Variants in GLIS2 observed in about 807,000 individuals in gnomAD.
GLIS2 encodes GLIS family zinc finger 2.
Under a neutral mutation model 35.6 loss-of-function variants are expected in GLIS2, and 14 were observed. That is an observed-to-expected ratio of 0.39 (90% CI 0.26 to 0.61). The LOEUF is 0.61. Among genes scored for constraint, GLIS2 ranks in the 20% least tolerant of loss-of-function variants. GLIS2 has a pLI of 0.48. For synonymous variants in GLIS2, 368 were observed against 325.1 expected, an observed-to-expected ratio of 1.13 and a Z score of -1.42; for missense variants, 675 against 713.4, an observed-to-expected ratio of 0.95 and a Z score of 0.61.
chr16:4,332,382 T>C lies in GLIS2; in HGVS notation c.102T>C (p.Arg34=), dbSNP rs1277929398. ...GGACGCTGGGTGTGGTCCGGCCCCG[T>C]GCTCTGCACAGGGAGCTGGGCCTGG... ...RERTLGVVRP[R]ALHRELGLVD... The change falls in exon 2 of 7, where the codon CGT becomes CGC. Residue 34 remains arginine (R), a synonymous_variant. Transcript: ENST00000433375. This position sits in a 1 kb window ranked among gnomAD's most constrained non-coding sequence, Gnocchi z 5.4. 6.2e-7 allele frequency: 1 copy of C among 1,613,004 alleles called. No homozygotes were observed. The highest frequency in any genetic ancestry group is 1.3e-5 in the African/African-American group (1 of 75,036).
Position 4,337,679 on chromosome 16 carries a change from G to A in GLIS2, c.*155G>A. On this transcript the variant is annotated 3_prime_UTR_variant, in exon 7 of 7. Coordinates refer to ENST00000433375, the MANE Select transcript of GLIS2 (RefSeq NM_032575.3). Reference sequence around the variant, plus strand: ...CAAGGATGGTGCTAGGTCATTCATGGCTGGCCTCCCAGCCCCCGGGTGGGG... The same window carrying A: ...CAAGGATGGTGCTAGGTCATTCATGACTGGCCTCCCAGCCCCCGGGTGGGG... 1.8e-6 allele frequency: 2 copies of A among 1,130,604 alleles called. No homozygotes were observed. The highest frequency in any genetic ancestry group is 2.5e-6 in the Non-Finnish European group (2 of 787,536). The allele number at this position is 1,130,604 out of a possible 1,614,324, so 70.0% of individuals were successfully genotyped here.
Position 4,335,259 on chromosome 16 carries a change from G to A in GLIS2, c.657-16G>A, listed in dbSNP as rs1011610705. The A allele has an allele frequency of 1.7e-5, 28 of 1,613,454 alleles. No homozygotes were observed. The highest frequency in any genetic ancestry group is 3.3e-5 in the South Asian group (3 of 91,080). On this transcript the variant is annotated splice_polypyrimidine_tract_variant and intron_variant, in intron 5 of 6. Transcript: ENST00000433375. The surrounding 1 kb of genome is among the most constrained non-coding windows in gnomAD (Gnocchi z 4.6). Reference sequence around the variant, plus strand: ...TCCAGTGAGCTGAGCCGTGCCCCCCGCCCTCCCTGGAGCAGGTACAAGATG... The same window carrying A: ...TCCAGTGAGCTGAGCCGTGCCCCCCACCCTCCCTGGAGCAGGTACAAGATG...
chr16:4,339,269 C>CG lies in GLIS2; in HGVS notation c.*1749dup, dbSNP rs1442119145. 2 of 152,660 alleles carry CG rather than the reference C, an allele frequency of 1.3e-5. No homozygotes were observed. Among genetic ancestry groups the CG allele is most frequent in the Non-Finnish European group, 2.9e-5 (2 of 68,184 alleles). The allele number at this position is 152,660 out of a possible 1,614,324, so 9.5% of individuals were successfully genotyped here. Reference sequence around the variant, plus strand: ...AGGGCCCCAGGCCTTAAGTCCCTGGCGGGGTCATGGGTTTGCGACTTGAGC... The same window carrying CG: ...AGGGCCCCAGGCCTTAAGTCCCTGGCGGGGGTCATGGGTTTGCGACTTGAGC... On this transcript the variant is annotated 3_prime_UTR_variant, in exon 7 of 7. Coordinates refer to ENST00000433375, the MANE Select transcript of GLIS2 (RefSeq NM_032575.3).
chr16:4,335,408 C>T lies in GLIS2; in HGVS notation c.775+15C>T. ...GTCGCACACAGGTAAGAGGCCGGGG[C>T]CGGGCGGCTTGGCCCATGAAGGGGG... On this transcript the variant is annotated intron_variant, in intron 6 of 6. Transcript: ENST00000433375. The surrounding 1 kb of genome is among the most constrained non-coding windows in gnomAD (Gnocchi z 4.6). 6.2e-7 allele frequency: 1 copy of T among 1,612,284 alleles called. No individual in the cohort carries two copies. Among genetic ancestry groups the T allele is most frequent in the Non-Finnish European group, 8.5e-7 (1 of 1,179,170 alleles).
At chr16:4,323,591 G>A (rs965742914) in intron 1 of GLIS2, among the ~76,000 whole-genome samples, 4 of 152,182 alleles carry the variant, frequency 2.6e-5, no homozygotes, top group African/African-American at 9.7e-5. Context: ...GGGGCTCCCG[G>A]AGCCCGGTGT....
Position 4,338,791 on chromosome 16 carries a change from T to A in GLIS2, c.*1267T>A, listed in dbSNP as rs1567226460. 9 of 152,304 alleles carry A rather than the reference T, an allele frequency of 5.9e-5. 1 individual carries two copies. The highest frequency in any genetic ancestry group is 5.9e-4 in the Admixed American group (9 of 15,286). The allele number at this position is 152,304 out of a possible 1,614,324, so 9.4% of individuals were successfully genotyped here. A position where few individuals can be genotyped will look rare whatever the true frequency, so the allele number is the denominator to read the frequency against. ...GGCCAGAACCACTTAAGGGTGGTGC[T>A]GGAGGGCCTTGTGCCCCAGTCCCAT... On this transcript the variant is annotated 3_prime_UTR_variant, in exon 7 of 7. Transcript: ENST00000433375.
At position 4,335,738 on chromosome 16, in the gene GLIS2, C is replaced by A; in HGVS notation, c.775+345C>A. 1 of 321,414 alleles carries A rather than the reference C, an allele frequency of 3.1e-6. No homozygotes were observed. The highest frequency in any genetic ancestry group is 5.8e-6 in the Non-Finnish European group (1 of 171,006). 19.9% of individuals were successfully genotyped at this position (321,414 alleles called of 1,614,324 possible). A position where few individuals can be genotyped will look rare whatever the true frequency, so the allele number is the denominator to read the frequency against. ...AGGACAGCTCTGGTTGTCAGAGCCA[C>A]AGACATAATTTTACATTTCCTAATC... On this transcript the variant is annotated intron_variant, in intron 6 of 6. Coordinates refer to ENST00000433375, the MANE Select transcript of GLIS2 (RefSeq NM_032575.3). This position sits in a 1 kb window ranked among gnomAD's most constrained non-coding sequence, Gnocchi z 4.6.
At chr16:4,323,110 A>G (rs1474024120) in intron 1 of GLIS2, among the ~76,000 whole-genome samples, 4 of 152,184 alleles carry the variant, frequency 2.6e-5, no homozygotes, top group East Asian at 1.9e-4. Flanking sequence ...CCTGTGCTAC[A>G]CTGGCCCATC....
At position 4,320,748 on chromosome 16, in the gene GLIS2, G is replaced by C. The variant is rs2141120708; in HGVS notation, c.-67+4494G>C. Among the ~76,000 whole-genome samples the C allele has an allele frequency of 6.6e-6, 1 of 152,256 alleles. No individual in the cohort carries two copies. The highest frequency in any genetic ancestry group is 2.1e-4 in the South Asian group (1 of 4,822). On this transcript the variant is annotated intron_variant, in intron 1 of 6. Transcript: ENST00000433375. The surrounding 1 kb of genome is among the most constrained non-coding windows in gnomAD (Gnocchi z 5.6). Reference sequence around the variant, plus strand: ...CATTCCCCACCCCAACTTCCAGGCAGACCGACTCTGAGCTGGGATGTCCCC... The same window carrying C: ...CATTCCCCACCCCAACTTCCAGGCACACCGACTCTGAGCTGGGATGTCCCC...
Position 4,339,300 on chromosome 16 carries a change from G to C in GLIS2, c.*1776G>C, listed in dbSNP as rs1039025768. The stretch of plus-strand genomic sequence containing the variant: ...CATGGGTTTGCGACTTGAGCAGAGC[G>C]GAGGAACAGGGCACTGGAAGGCCGA... On this transcript the variant is annotated 3_prime_UTR_variant, in exon 7 of 7. Coordinates refer to ENST00000433375, the MANE Select transcript of GLIS2 (RefSeq NM_032575.3). 1.3e-5 allele frequency: 2 copies of C among 152,646 alleles called. No individual in the cohort carries two copies. Among genetic ancestry groups the C allele is most frequent in the African/African-American group, 2.4e-5 (1 of 41,462 alleles). 9.5% of individuals were successfully genotyped at this position (152,646 alleles called of 1,614,324 possible).
intron 1 of GLIS2, among the ~76,000 whole-genome samples, chr16:4,329,750 G>A (rs560568726): frequency 2.0e-5 from 3 of 152,192 alleles, no homozygotes; most frequent in Admixed American, 6.5e-5. Flanking sequence ...CACCATGGCC[G>A]CCCTTTGGTA....
Position 4,334,894 on chromosome 16 carries a change from T to G in GLIS2, c.439T>G (p.Ser147Ala). The change falls in exon 4 of 7, where the codon TCC becomes GCC. Residue 147 changes from serine (S) to alanine (A), a missense_variant. This residue lies in a region of GLIS2 where 225 missense variants were observed against 238.7 expected (regional missense o/e 0.94). Transcript: ENST00000433375. ...CGGGGGGGCCCTGCACCTGCCTGCC[T>G]CCTCCTTCCTTACCCCTCCCAAGGA... ...GSGGALHLPA[S>A]SFLTPPKDKC... The G allele has an allele frequency of 6.2e-7, 1 of 1,613,106 alleles. No individual in the cohort carries two copies. The highest frequency in any genetic ancestry group is 8.5e-7 in the Non-Finnish European group (1 of 1,179,994).
At position 4,339,545 on chromosome 16, in the gene GLIS2, C is replaced by CT. The variant is rs2053603044; in HGVS notation, c.*2022dup. The CT allele has an allele frequency of 6.6e-6, 1 of 152,382 alleles. No homozygotes were observed. Among genetic ancestry groups the CT allele is most frequent in the Non-Finnish European group, 1.5e-5 (1 of 68,032 alleles). The allele number at this position is 152,382 out of a possible 1,614,324, so 9.4% of individuals were successfully genotyped here. A position where few individuals can be genotyped will look rare whatever the true frequency, so the allele number is the denominator to read the frequency against. ...AGCTAATGACTATAACAATATATTC[C>CT]TCCATGGGAGAGGAAGTTTATAAAG... On this transcript the variant is annotated 3_prime_UTR_variant, in exon 7 of 7. Coordinates refer to ENST00000433375, the MANE Select transcript of GLIS2 (RefSeq NM_032575.3).
chr16:4,332,349 G>A lies in GLIS2; in HGVS notation c.69G>A (p.Lys23=), dbSNP rs1440258694. 1 of 1,613,224 alleles carries A rather than the reference G, an allele frequency of 6.2e-7. No homozygotes were observed. The highest frequency in any genetic ancestry group is 1.1e-5 in the South Asian group (1 of 91,088). Residue 23 remains lysine (K), a synonymous_variant, in exon 2 of 7, where the codon AAG becomes AAA. Transcript: ENST00000433375. The surrounding 1 kb of genome is among the most constrained non-coding windows in gnomAD (Gnocchi z 5.4). ...CCAAGCTCCGGGCGGCAAGAGAGAA[G>A]CGGGAGAGGACGCTGGGTGTGGTCC... The part of the protein sequence containing the change: ...SITKLRAARE[K]RERTLGVVRP...
At chr16:4,327,173 C>T (rs1202899624) in intron 1 of GLIS2, among the ~76,000 whole-genome samples, 1 of 152,176 alleles carries the variant, frequency 6.6e-6, no homozygotes, top group East Asian at 1.9e-4. Flanking sequence ...GGCTTACAGG[C>T]GTCAGCCACC....
At chr16:4,318,593 G>C (rs967668390) in intron 1 of GLIS2, among the ~76,000 whole-genome samples, 1 of 152,200 alleles carries the variant, frequency 6.6e-6, no homozygotes. Flanking sequence ...CAAGTAGAGG[G>C]CTGAGAGTGA....
At chr16:4,333,601 G>C in intron 3 of GLIS2, 82 bp downstream of exon 3, 2 of 1,429,862 alleles carry the variant, frequency 1.4e-6, no homozygotes, top group Non-Finnish European at 1.9e-6. Context: ...ACACTGAGTG[G>C]TTTAAAAAAC....
At chr16:4,321,886 G>A (rs185769945) in intron 1 of GLIS2, among the ~76,000 whole-genome samples, 173 of 152,258 alleles carry the variant, frequency 1.1e-3, no homozygotes, top group African/African-American at 3.9e-3. Flanking sequence ...TGGCTTCAGT[G>A]ATGCATTGGC....
intron 1 of GLIS2, among the ~76,000 whole-genome samples, chr16:4,323,978 C>G (rs1171264160): frequency 6.6e-6 from 1 of 152,176 alleles, no homozygotes; most frequent in African/African-American, 2.4e-5. Context: ...GGGGCTGTAA[C>G]CAGGCAGCCT....
Sources: gnomAD v4.1 joint callset for allele counts (sites outside exome capture counted in the v4.1 genomes callset) on GRCh38, gnomAD v4.1.1 for gene constraint, gnomAD v4.1.1 regional missense constraint, Gnocchi (gnomAD v3.1) non-coding constraint, MANE v1.5 for transcripts, NCBI Gene and HGNC (gene_info 2026-07-23, HGNC 2026-07-21) for gene names.